Variants in GABRA2 observed in about 807,000 individuals in gnomAD.
GABRA2 encodes the protein gamma-aminobutyric acid type A receptor subunit alpha2, also known as gamma-aminobutyric acid receptor subunit alpha-2.
In GABRA2, 16 loss-of-function variants were observed where a neutral mutation model predicts 48.7. That is an observed-to-expected ratio of 0.33 (90% confidence interval 0.22 to 0.50). The LOEUF is 0.50. Ranked by LOEUF, GABRA2 falls within the 20% of genes least tolerant of loss-of-function variation. GABRA2 has a pLI of 0.98. For missense variants in GABRA2, 275 were observed against 535.6 expected (o/e 0.51, Z 4.80); for synonymous variants, 185 against 184.5 (o/e 1.00, Z -0.02).
At chr4:46,369,952 T>C (rs1179362393) in intron 3 of GABRA2, among the ~76,000 whole-genome samples, 1 of 152,098 alleles carries the variant, frequency 6.6e-6, no homozygotes, top group African/African-American at 2.4e-5. Context: ...GTCTACATAA[T>C]GACTCACAGG....
At chr4:46,293,290 G>A (rs1235518455) in intron 8 of GABRA2, among the ~76,000 whole-genome samples, 3 of 152,172 alleles carry the variant, frequency 2.0e-5, no homozygotes, top group Admixed American at 6.5e-5. Flanking sequence ...TGAATGAAGG[G>A]GGGTCCCCTT....
rs1713361449 is a variant in GABRA2, at chr4:46,244,608, CAATGGGATTA to C, written c.*5690_*5699del. On this transcript the variant is annotated 3_prime_UTR_variant, in exon 10 of 10. Coordinates refer to ENST00000381620, the MANE Select transcript of GABRA2 (RefSeq NM_000807.4). ...AAATCAATACATAATCCTTGAAGCC[CAATGGGATTA>C]AATGTTATGAAACGAACAATATGAC... Among the ~76,000 whole-genome samples the C allele has an allele frequency of 6.6e-6, 1 of 151,306 alleles. No homozygotes were observed. The highest frequency in any genetic ancestry group is 2.1e-4 in the South Asian group (1 of 4,810).
rs569254987 is a variant in GABRA2, at chr4:46,356,303, A to G, written c.188-23621T>C. ...TAGCCTCCCTCTATGGATTTACCAAAGCCAATCTATCTGTCAATTTTCTGA... is the reference window on the plus strand; with the variant it reads ...TAGCCTCCCTCTATGGATTTACCAAGGCCAATCTATCTGTCAATTTTCTGA... On this transcript the variant is annotated intron_variant, in intron 3 of 9. Coordinates refer to ENST00000381620, the MANE Select transcript of GABRA2 (RefSeq NM_000807.4). 9.2e-5 allele frequency among the ~76,000 whole-genome samples: 14 copies of G among 152,194 alleles called. No homozygotes were observed. In the South Asian group the frequency reaches 1.0e-3, roughly 11 times the overall value.
At position 46,257,793 on chromosome 4, in the gene GABRA2, A is replaced by G. The variant is rs187258453; in HGVS notation, c.1059+4133T>C. Among the ~76,000 whole-genome samples, 214 of 151,808 alleles carry G rather than the reference A, an allele frequency of 1.4e-3. 2 individuals are homozygous for G. The highest frequency in any genetic ancestry group is 1.9e-3 in the South Asian group (9 of 4,826). ...AGGAGTAAAAAAAACTATAAAAAGT[A>G]TGAGAGATGGTGAAAATATGGTCTA... On this transcript the variant is annotated intron_variant, in intron 9 of 9. Coordinates refer to ENST00000381620, the MANE Select transcript of GABRA2 (RefSeq NM_000807.4).
chr4:46,247,383 A>G lies in GABRA2; in HGVS notation c.*2925T>C, dbSNP rs1247448112. Among the ~76,000 whole-genome samples, 1 of 151,196 alleles carries G rather than the reference A, an allele frequency of 6.6e-6. No homozygotes were observed. Among genetic ancestry groups the G allele is most frequent in the Admixed American group, 6.6e-5 (1 of 15,098 alleles). ...CATGTTTTATATAGTCTTTAATTTC[A>G]AGTCATTATAAGAATGAGATGCACT... On this transcript the variant is annotated 3_prime_UTR_variant, in exon 10 of 10. Transcript: ENST00000381620.
chr4:46,292,374 T>C (rs1577933756), intron 8 of GABRA2, among the ~76,000 whole-genome samples: 1 of 152,242 alleles, frequency 6.6e-6, no homozygotes, highest in East Asian at 1.9e-4. Flanking sequence ...CAACGAAAGG[T>C]GCATGTGCAG....
At chr4:46,381,263 C>G (rs1465497280) in intron 3 of GABRA2, among the ~76,000 whole-genome samples, 1 of 152,112 alleles carries the variant, frequency 6.6e-6, no homozygotes, top group Non-Finnish European at 1.5e-5. Flanking sequence ...AAATGTTGCT[C>G]CTTTTATTCA....
chr4:46,320,255 G>T (rs996116018), intron 4 of GABRA2, among the ~76,000 whole-genome samples: 1 of 151,878 alleles, frequency 6.6e-6, no homozygotes, highest in Middle Eastern at 3.4e-3. Context: ...AATTAAATTG[G>T]ACATCTATCT....
intron 9 of GABRA2, chr4:46,261,640 T>C (rs1224850244): frequency 5.9e-6 from 3 of 511,348 alleles, no homozygotes; most frequent in Admixed American, 3.2e-5. Context: ...GGCAGTCTAG[T>C]CATAAGGATG....
intron 4 of GABRA2, among the ~76,000 whole-genome samples, chr4:46,317,655 C>T (rs991949634): frequency 6.6e-6 from 1 of 151,182 alleles, no homozygotes; most frequent in Non-Finnish European, 1.5e-5. Context: ...ACTGATAAAA[C>T]ACCATGGAAG....
In GABRA2 at chr4:46,307,512, A is replaced by G. The variant is rs973942082; in HGVS notation, c.560-1801T>C. Among the ~76,000 whole-genome samples the G allele has an allele frequency of 2.6e-5, 4 of 152,038 alleles. 1 individual carries two copies. Among genetic ancestry groups the G allele is most frequent in the South Asian group, 4.1e-4 (2 of 4,828 alleles). Reference sequence around the variant, plus strand: ...TTTCTTTTAAACATAAATAAGAAAAAATGAAACCCTATAAAAGAGATGACA... The same window carrying G: ...TTTCTTTTAAACATAAATAAGAAAAGATGAAACCCTATAAAAGAGATGACA... On this transcript the variant is annotated intron_variant, in intron 6 of 9. Coordinates refer to ENST00000381620, the MANE Select transcript of GABRA2 (RefSeq NM_000807.4).
chr4:46,267,149 T>C (rs1290337284), intron 8 of GABRA2, among the ~76,000 whole-genome samples: 1 of 152,124 alleles, frequency 6.6e-6, no homozygotes, highest in African/African-American at 2.4e-5. Flanking sequence ...TCATTGTTTT[T>C]TCTTTCTGTT....
intron 4 of GABRA2, among the ~76,000 whole-genome samples, chr4:46,331,818 A>T (rs949904733): frequency 3.3e-5 from 5 of 151,950 alleles, no homozygotes; most frequent in African/African-American, 1.2e-4. Context: ...TGCAACTTCG[A>T]CCTCCTGGGC....
At position 46,383,996 on chromosome 4, in the gene GABRA2, A is replaced by T. The variant is rs896251832; in HGVS notation, c.187+2078T>A. On this transcript the variant is annotated intron_variant, in intron 3 of 9. Transcript: ENST00000381620. ...GGAGAGAAAGAATTGATATCATTGA[A>T]ATGCCAATATGTAGCACATGCTTTG... 1.1e-4 allele frequency among the ~76,000 whole-genome samples: 17 copies of T among 152,200 alleles called. No homozygotes were observed. In the East Asian group the frequency reaches 3.3e-3, roughly 29 times the overall value.
intron 8 of GABRA2, among the ~76,000 whole-genome samples, chr4:46,289,891 ATTTAT>A (rs1270195846): frequency 6.2e-5 from 7 of 113,552 alleles, no homozygotes; most frequent in Non-Finnish European, 1.3e-4. Flanking sequence ...TTATTTATTT[ATTTAT>A]TTATTTATTT....
chr4:46,358,314 C>A (rs1736331415), intron 3 of GABRA2, among the ~76,000 whole-genome samples: 1 of 152,144 alleles, frequency 6.6e-6, no homozygotes, highest in African/African-American at 2.4e-5. Context: ...TAACGCTGAA[C>A]TCAGCTCCTT....
chr4:46,340,169 C>T (rs1246677603), intron 3 of GABRA2, among the ~76,000 whole-genome samples: 1 of 151,800 alleles, frequency 6.6e-6, no homozygotes, highest in Non-Finnish European at 1.5e-5. Context: ...GGGAACACTG[C>T]TTGCACTCAT....
In GABRA2 at chr4:46,288,902, AACAG is replaced by A. The variant is rs201436192; in HGVS notation, c.856+14554_856+14557del. Among the ~76,000 whole-genome samples, 1,161 of 152,248 alleles carry A rather than the reference AACAG, an allele frequency of 7.6e-3. 22 individuals are homozygous for A. The highest frequency in any genetic ancestry group is 0.027 in the African/African-American group (1,105 of 41,556). ...ACAATGAAAGTAGACAAAAAACATGAACAGACACTTTTTGAAGGAAGGTGTACAT... is the reference window on the plus strand; with the variant it reads ...ACAATGAAAGTAGACAAAAAACATGAACACTTTTTGAAGGAAGGTGTACAT... On this transcript the variant is annotated intron_variant, in intron 8 of 9. Transcript: ENST00000381620.
At chr4:46,389,591 G>C in intron 1 of GABRA2, 144 bp downstream of exon 1, 2 of 462,256 alleles carry the variant, frequency 4.3e-6, no homozygotes, top group Non-Finnish European at 5.7e-6. Context: ...TTTTAAGTGC[G>C]CTGGGGAGGA....
Sources: gnomAD v4.1 joint callset for allele counts (sites outside exome capture counted in the v4.1 genomes callset) on GRCh38, gnomAD v4.1.1 for gene constraint, MANE v1.5 for transcripts, NCBI Gene and HGNC (gene_info 2026-07-23, HGNC 2026-07-21) for gene names.